Variants in CYP2J2 observed in about 807,000 individuals in gnomAD.
CYP2J2 encodes cytochrome P450 2J2.
A neutral mutation model predicts 48.8 loss-of-function variants in CYP2J2; 41 were observed. That is an observed-to-expected ratio of 0.84 (90% CI 0.66 to 1.09). CYP2J2 has a LOEUF of 1.09. Among genes scored for constraint, CYP2J2 ranks in the 50% least tolerant of loss-of-function variants. CYP2J2 has a pLI of 0.00. For synonymous variants in CYP2J2, 221 were observed against 227.1 expected (o/e 0.97, Z 0.24); for missense variants, 644 against 617.3 (o/e 1.04, Z -0.46).
At chr1:59,942,479 G>A in the CYP2J2 span, among the ~76,000 whole-genome samples, 1 of 152,160 alleles carries the variant, frequency 6.6e-6, no homozygotes, top group Admixed American at 6.5e-5. Flanking sequence ...ATGTTTCAGG[G>A]TTGGAGGATA....
chr1:59,968,399 A>G, the CYP2J2 span, among the ~76,000 whole-genome samples: 4 of 151,668 alleles, frequency 2.6e-5, no homozygotes, highest in Middle Eastern at 3.4e-3. Flanking sequence ...CTTGGTCCCA[A>G]TCTTCCCACA....
the CYP2J2 span, among the ~76,000 whole-genome samples, chr1:59,945,824 T>C: frequency 6.6e-6 from 1 of 152,314 alleles, no homozygotes; most frequent in South Asian, 2.1e-4. Context: ...AAGTTTGGAA[T>C]CATCCTATTT....
chr1:59,905,904 T>A (rs1227143732), intron 6 of CYP2J2, among the ~76,000 whole-genome samples: 1 of 152,170 alleles, frequency 6.6e-6, no homozygotes, highest in African/African-American at 2.4e-5. Flanking sequence ...ACTGCCCAGC[T>A]AAAGAATATA....
At chr1:59,924,032 CAAAG>C (rs547249603) in intron 1 of CYP2J2, among the ~76,000 whole-genome samples, 42 of 152,174 alleles carry the variant, frequency 2.8e-4, no homozygotes, top group African/African-American at 9.6e-4. Flanking sequence ...AAAACAAAAA[CAAAG>C]AAAATTTCTT....
At chr1:59,943,521 A>C in the CYP2J2 span, among the ~76,000 whole-genome samples, 1 of 152,238 alleles carries the variant, frequency 6.6e-6, no homozygotes, top group East Asian at 1.9e-4. Flanking sequence ...GACAGGCTAC[A>C]GGTAAACAAG....
intron 5 of CYP2J2, among the ~76,000 whole-genome samples, chr1:59,908,505 C>T (rs913234567): frequency 3.9e-5 from 6 of 152,220 alleles, no homozygotes; most frequent in African/African-American, 1.4e-4. Flanking sequence ...CTCACTGATT[C>T]TACCAACCAT....
intron 6 of CYP2J2, among the ~76,000 whole-genome samples, chr1:59,906,983 ACTGTATTG>A (rs1644370312): frequency 1.3e-5 from 2 of 152,164 alleles, no homozygotes; most frequent in South Asian, 4.1e-4. Flanking sequence ...AATTTGAAAA[ACTGTATTG>A]TTAAGAGTTC....
intron 7 of CYP2J2, among the ~76,000 whole-genome samples, chr1:59,904,182 C>T (rs1183763965): frequency 1.3e-5 from 2 of 152,034 alleles, no homozygotes; most frequent in Non-Finnish European, 2.9e-5. Context: ...ACCATCCTGG[C>T]CAACCAACAT....
At chr1:59,908,842 T>C (rs1223720162) in intron 5 of CYP2J2, among the ~76,000 whole-genome samples, 2 of 152,132 alleles carry the variant, frequency 1.3e-5, no homozygotes, top group East Asian at 3.9e-4. Context: ...CTCTGGCCTA[T>C]AATGTTGGAA....
chr1:59,952,036 A>G, the CYP2J2 span, among the ~76,000 whole-genome samples: 1 of 152,158 alleles, frequency 6.6e-6, no homozygotes, highest in Non-Finnish European at 1.5e-5. Flanking sequence ...AAGTTCACTA[A>G]ATACTGTAAG....
intron 7 of CYP2J2, among the ~76,000 whole-genome samples, chr1:59,901,754 C>G (rs140114037): frequency 7.9e-4 from 120 of 152,286 alleles, no homozygotes; most frequent in African/African-American, 2.7e-3. Context: ...TCCATGTCCA[C>G]CAATGCTCAC....
At chr1:59,900,874 A>T in intron 8 of CYP2J2, 91 bp downstream of exon 8, 2 of 1,444,924 alleles carry the variant, frequency 1.4e-6, no homozygotes, top group Non-Finnish European at 1.9e-6. Context: ...GTCTGGAGAC[A>T]TTCCAATGAA....
the CYP2J2 span, among the ~76,000 whole-genome samples, chr1:59,960,622 C>G: frequency 5.9e-5 from 9 of 152,314 alleles, no homozygotes; most frequent in South Asian, 1.9e-3. Flanking sequence ...GCGGGTGGAT[C>G]ACTTGAGGTC....
upstream of CYP2J2, among the ~76,000 whole-genome samples, chr1:59,931,496 T>G (rs1443767780): frequency 1.1e-4 from 16 of 152,024 alleles, no homozygotes; most frequent in Admixed American, 1.0e-3. Flanking sequence ...AGCACACACA[T>G]GGAAAAATAC....
chr1:59,925,418 T>A (rs1266836852), intron 1 of CYP2J2, among the ~76,000 whole-genome samples: 1 of 152,216 alleles, frequency 6.6e-6, no homozygotes, highest in Admixed American at 6.5e-5. Flanking sequence ...AGATAGACTA[T>A]ATCTTGTGTC....
intron 2 of CYP2J2, among the ~76,000 whole-genome samples, chr1:59,913,450 G>A (rs1644436704): frequency 6.6e-6 from 1 of 152,008 alleles, no homozygotes; most frequent in Non-Finnish European, 1.5e-5. Context: ...TTTTGAATTC[G>A]GCATATCCAT....
chr1:59,917,391 A>G (rs11572238), intron 1 of CYP2J2, among the ~76,000 whole-genome samples: 267 of 152,350 alleles, frequency 1.8e-3, no homozygotes, highest in African/African-American at 6.1e-3. Context: ...TATCTCATTA[A>G]TCTCACAACC....
chr1:59,938,572 C>G, the CYP2J2 span, among the ~76,000 whole-genome samples: 1 of 152,194 alleles, frequency 6.6e-6, no homozygotes, highest in Non-Finnish European at 1.5e-5. Flanking sequence ...CGCCTCCCAC[C>G]ATAGGGCGGT....
the CYP2J2 span, among the ~76,000 whole-genome samples, chr1:59,952,294 C>T: frequency 6.6e-6 from 1 of 150,906 alleles, no homozygotes; most frequent in Non-Finnish European, 1.5e-5. Context: ...GTTGCCAATT[C>T]TCTATGCGTA....
Sources: allele counts gnomAD v4.1 joint callset (sites outside exome capture counted in the v4.1 genomes callset), GRCh38; gene constraint gnomAD v4.1.1; transcripts MANE v1.5; gene names NCBI Gene and HGNC (gene_info 2026-07-23, HGNC 2026-07-21).